SOX6: variants seen among roughly 807,000 people sequenced by gnomAD.
SOX6 encodes the protein SRY-box transcription factor 6, also known as transcription factor SOX-6.
SOX6 carries 11 observed loss-of-function variants against 97.8 expected under a neutral mutation model. The ratio of observed to expected loss-of-function variants is 0.11; its 90% CI spans 0.07 to 0.19. SOX6 has a LOEUF of 0.19. Ranked by LOEUF, SOX6 falls within the 10% of genes least tolerant of loss-of-function variation. The pLI, the probability that SOX6 is intolerant of heterozygous loss-of-function variation, is 1.00. For synonymous variants in SOX6, 360 were observed against 371.4 expected (o/e 0.97, Z 0.35); for missense variants, 810 against 1,039.5 (o/e 0.78, Z 3.04).
chr11:16,611,659 C>A (rs1848400256), intron 4 of SOX6, among the ~76,000 whole-genome samples: 1 of 152,196 alleles, frequency 6.6e-6, no homozygotes, highest in Admixed American at 6.5e-5. Flanking sequence ...TGGGACTCTG[C>A]CTCAAAGAGG....
At position 16,049,883 on chromosome 11, in the gene SOX6, G is replaced by A. The variant is rs1041074764; in HGVS notation, c.1307C>T (p.Pro436Leu). 6.2e-7 allele frequency: 1 copy of A among 1,613,754 alleles called. No homozygotes were observed. The highest frequency in any genetic ancestry group is 1.7e-5 in the Admixed American group (1 of 59,984). The stretch of plus-strand genomic sequence containing the variant: ...GGTGGGAGACGTTGGGGACTTTACA[G>A]GCTCTGCTGTCTTGGGTCGGGATGA... ...NLSSRPKTAEPVKSPTSPTQN... is the reference protein window; with the variant it reads ...NLSSRPKTAELVKSPTSPTQN... Residue 436 changes from proline to leucine, a missense_variant, in exon 11 of 16, where the codon CCT becomes CTT. Pro to Leu is a moderately conservative substitution (Grantham distance 98). This residue lies in a region of SOX6 where 244 missense variants were observed against 261.0 expected (regional missense o/e 0.93). Transcript: ENST00000683767.
intron 3 of SOX6, among the ~76,000 whole-genome samples, chr11:16,303,423 C>T (rs1470513859): frequency 6.6e-6 from 1 of 152,110 alleles, no homozygotes; most frequent in East Asian, 1.9e-4. Flanking sequence ...ATCAGTTGAG[C>T]ATATTTCTAT....
chr11:16,318,095 A>G, intron 3 of SOX6: 1 of 395,012 alleles, frequency 2.5e-6, no homozygotes, highest in Admixed American at 3.2e-5. Flanking sequence ...TTATAAAGAA[A>G]TACTATCCAC....
chr11:16,318,246 T>G (rs1565088334), intron 3 of SOX6, 200 bp downstream of exon 3: 1 of 606,488 alleles, frequency 1.6e-6, no homozygotes, highest in Non-Finnish European at 2.9e-6. Context: ...GCACAAAGTT[T>G]TAGAAAAACG....
At chr11:16,373,885 AAGGG>A (rs1252991536) in intron 1 of SOX6, among the ~76,000 whole-genome samples, 513 of 8,116 alleles carry the variant, frequency 0.063, 24 homozygotes, top group African/African-American at 0.13. Context: ...GGAAGGAAGG[AAGGG>A]AGGGAGGGAG....
upstream of SOX6, among the ~76,000 whole-genome samples, chr11:16,480,522 G>A (rs961633856): frequency 6.6e-6 from 1 of 151,968 alleles, no homozygotes; most frequent in African/African-American, 2.4e-5. Context: ...TAGATCAAAG[G>A]TAAATAGCAA....
chr11:16,412,713 G>A (rs1421864276), intron 1 of SOX6, among the ~76,000 whole-genome samples: 2 of 152,270 alleles, frequency 1.3e-5, no homozygotes, highest in East Asian at 1.9e-4. Context: ...TACTTAAATG[G>A]TATAATTAGG....
Position 15,972,670 on chromosome 11 carries a change from T to TGG in SOX6, c.*138_*139insCC. 1.1e-6 allele frequency: 1 copy of TGG among 903,740 alleles called. No individual in the cohort carries two copies. The highest frequency in any genetic ancestry group is 1.8e-6 in the Non-Finnish European group (1 of 570,728). The allele number at this position is 903,740 out of a possible 1,614,324, so 56.0% of individuals were successfully genotyped here. A position where few individuals can be genotyped will look rare whatever the true frequency, so the allele number is the denominator to read the frequency against. ...GAAAAATCAGGGAAAACTTAATCTG[T>TGG]CTCACACTTTACGAAACAATTAAGA... On this transcript the variant is annotated 3_prime_UTR_variant, in exon 16 of 16. Coordinates refer to ENST00000683767, the MANE Select transcript of SOX6 (RefSeq NM_001367873.1).
intron 3 of SOX6, among the ~76,000 whole-genome samples, chr11:16,303,384 A>G (rs1855324649): frequency 6.6e-6 from 1 of 152,184 alleles, no homozygotes; most frequent in Admixed American, 6.5e-5. Flanking sequence ...ATAAATGTAA[A>G]ATAACAAATA....
chr11:16,617,409 A>G (rs1364596170), intron 3 of SOX6, among the ~76,000 whole-genome samples: 2 of 151,912 alleles, frequency 1.3e-5, no homozygotes, highest in Non-Finnish European at 3.0e-5. Context: ...TGCACACAAT[A>G]TGTTATCAAC....
intron 3 of SOX6, among the ~76,000 whole-genome samples, chr11:16,302,166 T>C (rs1855277296): frequency 6.6e-6 from 1 of 152,186 alleles, no homozygotes; most frequent in Admixed American, 6.5e-5. Context: ...TATTTGCCCT[T>C]GCCTCTTTCC....
intron 3 of SOX6, among the ~76,000 whole-genome samples, chr11:16,290,721 C>T (rs1934251155): frequency 1.3e-5 from 2 of 152,056 alleles, no homozygotes; most frequent in South Asian, 2.1e-4. Context: ...AGGTTATACA[C>T]CCAGGCACTG....
intron 3 of SOX6, chr11:16,313,178 A>G (rs1437138750): frequency 6.6e-6 from 1 of 152,198 alleles, no homozygotes; most frequent in African/African-American, 2.4e-5. Context: ...AGCAGATTAA[A>G]CACTGGACAA....
At chr11:16,387,877 T>C (rs1254866739) in intron 1 of SOX6, among the ~76,000 whole-genome samples, 1 of 152,132 alleles carries the variant, frequency 6.6e-6, no homozygotes, top group Non-Finnish European at 1.5e-5. Context: ...TTGTATCACA[T>C]GACTTTGGCA....
At chr11:16,443,177 C>T (rs1016943802) in intron 1 of SOX6, among the ~76,000 whole-genome samples, 1 of 152,116 alleles carries the variant, frequency 6.6e-6, no homozygotes, top group Non-Finnish European at 1.5e-5. Flanking sequence ...ATGAAGCTTC[C>T]CCCCAGTTCT....
chr11:16,262,428 G>A (rs1001085595), intron 3 of SOX6, among the ~76,000 whole-genome samples: 2 of 152,066 alleles, frequency 1.3e-5, no homozygotes, highest in Admixed American at 1.3e-4. Flanking sequence ...AAGCTGAAAT[G>A]TAACATTGCT....
chr11:16,497,747 C>T (rs4550186), intron 4 of SOX6, among the ~76,000 whole-genome samples: 26,776 of 151,656 alleles, frequency 0.18, 2,761 homozygotes, highest in Admixed American at 0.31. Context: ...TGAAATGAAG[C>T]GAGAAGAGAA....
intron 4 of SOX6, among the ~76,000 whole-genome samples, chr11:16,572,068 C>A (rs543156935): frequency 6.6e-6 from 1 of 152,238 alleles, no homozygotes; most frequent in African/African-American, 2.4e-5. Context: ...AATGTTTCTT[C>A]TTTGTTCCAG....
At chr11:16,414,426 T>C (rs1858884729) in intron 1 of SOX6, among the ~76,000 whole-genome samples, 3 of 152,160 alleles carry the variant, frequency 2.0e-5, no homozygotes, top group South Asian at 4.1e-4. Context: ...TGGTAAATTA[T>C]GAAAAGAATT....
Sources: gnomAD v4.1 joint callset for allele counts (sites outside exome capture counted in the v4.1 genomes callset) on GRCh38, gnomAD v4.1.1 for gene constraint, gnomAD v4.1.1 regional missense constraint, MANE v1.5 for transcripts, NCBI Gene and HGNC (gene_info 2026-07-23, HGNC 2026-07-21) for gene names.